ERC2: variants seen among roughly 807,000 people sequenced by gnomAD.
ERC2 encodes ERC protein 2.
A neutral mutation model predicts 114.8 loss-of-function variants in ERC2; 42 were observed. The observed-to-expected ratio is 0.37, with a 90% CI of 0.29 to 0.47. ERC2 has a LOEUF of 0.47. ERC2 is among the 20% of genes least tolerant of loss of function. ERC2 has a pLI of 0.99. For missense variants in ERC2, 939 were observed against 1,150.7 expected (o/e 0.82, Z 2.66); for synonymous variants, 454 against 425.5 (o/e 1.07, Z -0.82).
chr3:55,537,452 T>C (rs1428078475), intron 17 of ERC2, among the ~76,000 whole-genome samples: 1 of 152,174 alleles, frequency 6.6e-6, no homozygotes, highest in Non-Finnish European at 1.5e-5. Context: ...AAAGGTCAGT[T>C]GAGTAAATGT....
At chr3:56,378,286 T>C (rs531414334) in intron 2 of ERC2, among the ~76,000 whole-genome samples, 1 of 148,626 alleles carries the variant, frequency 6.7e-6, no homozygotes, top group East Asian at 2.0e-4. Context: ...ATGGATGAAA[T>C]TGGAAATCAT....
At position 56,318,459 on chromosome 3, in the gene ERC2, G is replaced by T. The variant is rs149384458; in HGVS notation, c.658-22024C>A. Among the ~76,000 whole-genome samples, 1,383 of 152,230 alleles carry T rather than the reference G, an allele frequency of 9.1e-3. 19 individuals are homozygous for T. Among genetic ancestry groups the T allele is most frequent in the African/African-American group, 0.03 (1,261 of 41,516 alleles). On this transcript the variant is annotated intron_variant, in intron 2 of 17. Coordinates refer to ENST00000288221, the MANE Select transcript of ERC2 (RefSeq NM_015576.3). ...CCCAAAGTGCTGAGATTGCAGACAT[G>T]AGCCACTGCAACCAGCCTGTTTTTA...
intron 13 of ERC2, among the ~76,000 whole-genome samples, chr3:55,944,338 G>A (rs918910777): frequency 7.2e-5 from 11 of 152,218 alleles, no homozygotes; most frequent in Non-Finnish European, 1.5e-4. Context: ...TCTTCAGGGG[G>A]TAATTTAGTA....
intron 14 of ERC2, among the ~76,000 whole-genome samples, chr3:55,762,854 T>C (rs915666403): frequency 6.6e-6 from 1 of 152,198 alleles, no homozygotes; most frequent in Non-Finnish European, 1.5e-5. Flanking sequence ...CTCCATATAG[T>C]TTGCAAGGAC....
chr3:56,006,277 G>T (rs2072483690), intron 10 of ERC2, among the ~76,000 whole-genome samples: 1 of 151,976 alleles, frequency 6.6e-6, no homozygotes, highest in Non-Finnish European at 1.5e-5. Context: ...TTCCTTCACA[G>T]ATATGTGATT....
At chr3:56,109,132 TACC>T (rs1447494193) in intron 6 of ERC2, among the ~76,000 whole-genome samples, 1 of 152,116 alleles carries the variant, frequency 6.6e-6, no homozygotes, top group Non-Finnish European at 1.5e-5. Flanking sequence ...CTAAGCCTAG[TACC>T]TAATAGTTAT....
At chr3:55,705,936 A>C (rs532042119) in intron 15 of ERC2, among the ~76,000 whole-genome samples, 1 of 152,150 alleles carries the variant, frequency 6.6e-6, no homozygotes, top group South Asian at 2.1e-4. Context: ...TCCACACCAG[A>C]TCTTGTCTGC....
chr3:56,386,876 C>T (rs112751461), intron 2 of ERC2, among the ~76,000 whole-genome samples: 59 of 152,236 alleles, frequency 3.9e-4, no homozygotes, highest in Middle Eastern at 3.4e-3. Context: ...ATAATAGGTA[C>T]AGCAGAAACT....
In ERC2 at chr3:55,541,129, A is replaced by C. The variant is rs576767275; in HGVS notation, c.*40-29853T>G. On this transcript the variant is annotated intron_variant, in intron 17 of 17. Transcript: ENST00000288221. ...AGCCCCATTCCTGAAATGCTATCTG[A>C]GAAAAAACAATTTCATTCAGGACAT... Among the ~76,000 whole-genome samples, 3 of 152,356 alleles carry C rather than the reference A, an allele frequency of 2.0e-5. No homozygotes were observed. The South Asian group carries it at 6.2e-4, about 32-fold the overall frequency.
At chr3:55,711,131 A>C (rs1429383175) in intron 15 of ERC2, among the ~76,000 whole-genome samples, 1 of 152,228 alleles carries the variant, frequency 6.6e-6, no homozygotes, top group African/African-American at 2.4e-5. Flanking sequence ...AGCATCAAAC[A>C]CCTAATCATT....
intron 17 of ERC2, among the ~76,000 whole-genome samples, chr3:55,601,524 A>G (rs2058403961): frequency 6.6e-6 from 1 of 152,212 alleles, no homozygotes; most frequent in African/African-American, 2.4e-5. Flanking sequence ...GTGTGCAAAC[A>G]ACCAGCGAGC....
chr3:56,106,298 G>A (rs2149816111), intron 6 of ERC2, among the ~76,000 whole-genome samples: 1 of 152,288 alleles, frequency 6.6e-6, no homozygotes, highest in South Asian at 2.1e-4. Flanking sequence ...AATTACACTG[G>A]CCCCATGGAA....
intron 3 of ERC2, among the ~76,000 whole-genome samples, chr3:56,243,530 T>A (rs1181898904): frequency 6.6e-6 from 1 of 152,150 alleles, no homozygotes; most frequent in African/African-American, 2.4e-5. Context: ...GACAATGTTG[T>A]GTCATAAAAA....
chr3:56,292,967 T>C (rs1376130386), intron 3 of ERC2, among the ~76,000 whole-genome samples: 1 of 152,188 alleles, frequency 6.6e-6, no homozygotes, highest in Non-Finnish European at 1.5e-5. Context: ...AACCATAAAA[T>C]TGTCATCTAT....
chr3:55,682,320 C>T (rs1285746227), intron 17 of ERC2, among the ~76,000 whole-genome samples: 2 of 152,070 alleles, frequency 1.3e-5, no homozygotes, highest in African/African-American at 4.8e-5. Flanking sequence ...ATTCCAGTGC[C>T]GTTTTCCCCT....
chr3:56,398,859 T>C (rs62255912), intron 2 of ERC2, among the ~76,000 whole-genome samples: 4,973 of 152,280 alleles, frequency 0.033, 185 homozygotes, highest in South Asian at 0.2. Context: ...CCTCAGGCAA[T>C]CCTCCCATTT....
intron 15 of ERC2, among the ~76,000 whole-genome samples, chr3:55,711,661 A>AAC (rs2063785543): frequency 6.6e-6 from 1 of 152,226 alleles, no homozygotes; most frequent in Non-Finnish European, 1.5e-5. Flanking sequence ...TGCCTGGCAC[A>AAC]TATGGACATA....
chr3:55,592,692 T>C (rs2057949576), intron 17 of ERC2, among the ~76,000 whole-genome samples: 1 of 152,168 alleles, frequency 6.6e-6, no homozygotes, highest in Non-Finnish European at 1.5e-5. Flanking sequence ...TTGGATCAGA[T>C]TACTGAAGGG....
At chr3:55,635,580 G>A (rs546182734) in intron 17 of ERC2, among the ~76,000 whole-genome samples, 3 of 151,982 alleles carry the variant, frequency 2.0e-5, no homozygotes, top group African/African-American at 7.2e-5. Flanking sequence ...TAATAGAGAC[G>A]GGGTTTTATC....
Sources: gnomAD v4.1 joint callset for allele counts (sites outside exome capture counted in the v4.1 genomes callset) on GRCh38, gnomAD v4.1.1 for gene constraint, MANE v1.5 for transcripts, NCBI Gene and HGNC (gene_info 2026-07-23, HGNC 2026-07-21) for gene names.